The following F13A1 variants were observed in gnomAD, a reference collection of about 807,000 sequenced individuals.
The protein encoded by F13A1 is FSF, A subunit.
A neutral mutation model predicts 80.1 loss-of-function variants in F13A1; 47 were observed. That is an observed-to-expected ratio of 0.59 (90% CI 0.46 to 0.75). The LOEUF (loss-of-function observed/expected upper bound fraction) is 0.75, where lower values mean the gene tolerates loss of function less well. F13A1 is among the 30% of genes least tolerant of loss of function. F13A1 has a pLI of 0.00. For missense variants in F13A1, 817 were observed against 930.4 expected, an observed-to-expected ratio of 0.88 and a Z score of 1.59; for synonymous variants, 349 against 344.9, an observed-to-expected ratio of 1.01 and a Z score of -0.13.
chr6:6,213,459 T>G (rs1583074879), intron 8 of F13A1, among the ~76,000 whole-genome samples: 2 of 150,490 alleles, frequency 1.3e-5, no homozygotes, highest in East Asian at 3.9e-4. Context: ...AATAAAATAC[T>G]TTACAGACAA....
At position 6,271,571 on chromosome 6, in the gene F13A1, C is replaced by G. The variant is rs74827086; in HGVS notation, c.320-4762G>C. On this transcript the variant is annotated intron_variant, in intron 3 of 14. Transcript: ENST00000264870. Reference sequence around the variant, plus strand: ...TAAAAACATCAGGGCAAGAAAAAGACATCGGGAAAGACAGCATCCAAGAAA... The same window carrying G: ...TAAAAACATCAGGGCAAGAAAAAGAGATCGGGAAAGACAGCATCCAAGAAA... 8.5e-4 allele frequency among the ~76,000 whole-genome samples: 129 copies of G among 152,318 alleles called. 1 individual carries two copies. The East Asian group carries it at 0.014, about 17-fold the overall frequency.
chr6:6,268,660 C>T (rs1757877319), intron 3 of F13A1, among the ~76,000 whole-genome samples: 1 of 150,508 alleles, frequency 6.6e-6, no homozygotes, highest in Non-Finnish European at 1.5e-5. Context: ...GCTTAGCACA[C>T]AGTAGGGGCT....
chr6:6,158,366 T>C (rs1034309245), intron 13 of F13A1, among the ~76,000 whole-genome samples: 1 of 152,160 alleles, frequency 6.6e-6, no homozygotes, highest in Non-Finnish European at 1.5e-5. Flanking sequence ...CTCAGCTTCT[T>C]ATGCAGTTAG....
At chr6:6,314,837 T>C (rs1758656946) in intron 2 of F13A1, among the ~76,000 whole-genome samples, 1 of 152,244 alleles carries the variant, frequency 6.6e-6, no homozygotes, top group African/African-American at 2.4e-5. Context: ...GAACTGCTGC[T>C]GGACAATAGC....
At chr6:6,241,410 C>T (rs981641174) in intron 6 of F13A1, among the ~76,000 whole-genome samples, 14 of 152,204 alleles carry the variant, frequency 9.2e-5, no homozygotes, top group African/African-American at 3.4e-4. Flanking sequence ...TTACCACCAC[C>T]GCCACCATCA....
intron 13 of F13A1, among the ~76,000 whole-genome samples, chr6:6,163,873 C>G (rs888763385): frequency 4.6e-5 from 7 of 152,192 alleles, no homozygotes; most frequent in African/African-American, 1.7e-4. Flanking sequence ...GTGTTTAGCT[C>G]TTTCAGGAAT....
chr6:6,156,914 G>A (rs1316409180), intron 13 of F13A1, among the ~76,000 whole-genome samples: 1 of 152,170 alleles, frequency 6.6e-6, no homozygotes, highest in African/African-American at 2.4e-5. Context: ...CATTACCCTA[G>A]AAAGTTCTAT....
intron 2 of F13A1, among the ~76,000 whole-genome samples, chr6:6,309,935 AG>A (rs1380322956): frequency 9.2e-5 from 14 of 152,218 alleles, no homozygotes; most frequent in African/African-American, 3.1e-4. Flanking sequence ...CTTCCCAAGC[AG>A]CTCTACCTAC....
chr6:6,313,684 A>T (rs1253600813), intron 2 of F13A1, among the ~76,000 whole-genome samples: 4 of 150,316 alleles, frequency 2.7e-5, no homozygotes, highest in South Asian at 4.2e-4. Context: ...TGATTTATTT[A>T]AAAAAAAACA....
intron 14 of F13A1, among the ~76,000 whole-genome samples, chr6:6,146,229 C>T (rs893683183): frequency 6.6e-6 from 1 of 152,212 alleles, no homozygotes; most frequent in Non-Finnish European, 1.5e-5. Flanking sequence ...CTCGAATTAG[C>T]TTTTGCCAAC....
chr6:6,167,751 G>T, intron 12 of F13A1, 133 bp from the exon 13 acceptor site: 1 of 933,720 alleles, frequency 1.1e-6, no homozygotes, highest in Non-Finnish European at 1.7e-6. Flanking sequence ...TAAGGGGCAA[G>T]TGGAACAAAG....
At position 6,248,372 on chromosome 6, in the gene F13A1, T is replaced by G. The variant is rs1215966091; in HGVS notation, c.738A>C (p.Ala246=). 3 of 1,613,988 alleles carry G rather than the reference T, an allele frequency of 1.9e-6. No homozygotes were observed. Among genetic ancestry groups the G allele is most frequent in the Non-Finnish European group, 2.5e-6 (3 of 1,179,894 alleles). ...TCCCTCTTCCAGAGAGGTCCATTTG[T>G]GCTCTGTCCATCACATACAGGCAAG... ...LDTCLYVMDR[A]QMDLSGRGNP... The change falls in exon 6 of 15, where the codon GCA becomes GCC. Residue 246 remains alanine (A), a synonymous_variant. Transcript: ENST00000264870.
intron 5 of F13A1, among the ~76,000 whole-genome samples, chr6:6,248,743 G>A (rs1204940465): frequency 6.6e-6 from 1 of 152,118 alleles, no homozygotes; most frequent in African/African-American, 2.4e-5. Context: ...CAACATATTG[G>A]CTCCTGTACC....
At chr6:6,196,505 T>C (rs1029556460) in intron 9 of F13A1, among the ~76,000 whole-genome samples, 7 of 152,222 alleles carry the variant, frequency 4.6e-5, no homozygotes, top group Non-Finnish European at 1.0e-4. Context: ...AGTGCTAAAC[T>C]TTCTTCCTTA....
intron 10 of F13A1, among the ~76,000 whole-genome samples, chr6:6,190,956 C>T (rs1352435983): frequency 2.6e-5 from 4 of 151,776 alleles, no homozygotes; most frequent in African/African-American, 4.8e-5. Context: ...GTCGGAAAAG[C>T]GCAGTATTTG....
intron 4 of F13A1, among the ~76,000 whole-genome samples, chr6:6,256,748 AGTATCT>A (rs1757709359): frequency 6.6e-6 from 1 of 152,166 alleles, no homozygotes; most frequent in South Asian, 2.1e-4. Flanking sequence ...TACTGATTTT[AGTATCT>A]GTATAACCTC....
chr6:6,250,679 T>A lies in F13A1; in HGVS notation c.690+132A>T, dbSNP rs3024371. On this transcript the variant is annotated intron_variant, in intron 5 of 14. Transcript: ENST00000264870. The surrounding 1 kb of genome is among the most constrained non-coding windows in gnomAD (Gnocchi z 4.2). Reference sequence around the variant, plus strand: ...GTCCCTACTCCTATGCTCTCTGCCTTGGAGTCTCAGATCCTAAAAAGCAGG... The same window carrying A: ...GTCCCTACTCCTATGCTCTCTGCCTAGGAGTCTCAGATCCTAAAAAGCAGG... 0.16 allele frequency: 110,804 copies of A among 702,380 alleles called. 9,895 individuals carry two copies. The highest frequency in any genetic ancestry group is 0.29 in the African/African-American group (16,631 of 56,774). 43.5% of individuals were successfully genotyped at this position (702,380 alleles called of 1,614,324 possible).
At chr6:6,194,538 C>A (rs1270152151) in intron 10 of F13A1, among the ~76,000 whole-genome samples, 2 of 152,196 alleles carry the variant, frequency 1.3e-5, no homozygotes, top group Non-Finnish European at 2.9e-5. Flanking sequence ...TCCCAGGTCG[C>A]CCTTCCTTCC....
intron 3 of F13A1, among the ~76,000 whole-genome samples, chr6:6,276,591 C>T (rs143237496): frequency 5.9e-5 from 9 of 152,262 alleles, no homozygotes; most frequent in East Asian, 1.9e-4. Context: ...AACTGAGGCT[C>T]AGGTAACTTA....
Sources: gnomAD v4.1 joint callset for allele counts (sites outside exome capture counted in the v4.1 genomes callset) on GRCh38, gnomAD v4.1.1 for gene constraint, Gnocchi (gnomAD v3.1) non-coding constraint, MANE v1.5 for transcripts, NCBI Gene and HGNC (gene_info 2026-07-23, HGNC 2026-07-21) for gene names.